Variants in IGLON5 observed in about 807,000 individuals in gnomAD.
IGLON5 encodes the protein IgLON family member 5.
In IGLON5, 16 loss-of-function variants were observed where a neutral mutation model predicts 38.2. The observed-to-expected ratio is 0.42, with a 90% CI of 0.28 to 0.64. The LOEUF is 0.64. Among genes scored for constraint, IGLON5 ranks in the 30% least tolerant of loss-of-function variants. The pLI, the probability that IGLON5 is intolerant of heterozygous loss-of-function variation, is 0.23. For synonymous variants in IGLON5, 207 were observed against 216.4 expected (o/e 0.96, Z 0.38); for missense variants, 366 against 483.4 (o/e 0.76, Z 2.28).
rs553674090 is a variant in IGLON5, at chr19:51,315,354, G to T, written c.79+3428G>T. ...TCTCCCCAGGACCTCTGAGCTCCAG[G>T]TTCATCTGGCTTGTGGGCTGTGCTT... On this transcript the variant is annotated intron_variant, in intron 1 of 7. Coordinates refer to ENST00000270642, the MANE Select transcript of IGLON5 (RefSeq NM_001101372.3). 2.8e-3 allele frequency among the ~76,000 whole-genome samples: 419 copies of T among 152,264 alleles called. 1 individual carries two copies. The highest frequency in any genetic ancestry group is 5.2e-3 in the Non-Finnish European group (354 of 68,032).
intron 2 of IGLON5, among the ~76,000 whole-genome samples, chr19:51,323,085 G>C (rs569421936): frequency 1.4e-5 from 2 of 138,164 alleles, no homozygotes; most frequent in African/African-American, 5.6e-5. Flanking sequence ...GTATCTGTGT[G>C]TGTGTGAGTC....
intron 1 of IGLON5, 84 bp from the exon 2 acceptor site, chr19:51,321,980 C>T (rs988234902): frequency 1.1e-4 from 118 of 1,097,586 alleles, no homozygotes; most frequent in Non-Finnish European, 1.4e-4. Context: ...TCCACAAGGA[C>T]GTGCGTGTGC....
In IGLON5 at chr19:51,311,923, C is replaced by T; in HGVS notation, c.76C>T (p.Arg26Ter). 1.5e-6 allele frequency: 2 copies of T among 1,345,484 alleles called. No individual in the cohort carries two copies. The highest frequency in any genetic ancestry group is 1.9e-6 in the Non-Finnish European group (2 of 1,046,370). 83.3% of individuals were successfully genotyped at this position (1,345,484 alleles called of 1,614,324 possible). Residue 26 changes from arginine (R) to a stop codon, truncating the protein, a stop_gained, in exon 1 of 8, where the codon CGA becomes TGA. Coordinates refer to ENST00000270642, the MANE Select transcript of IGLON5 (RefSeq NM_001101372.3). LOFTEE classifies it high-confidence loss of function. Reference sequence around the variant, plus strand: ...CCTGGCCGGCTTGGCCGTCATCAGCCGAGGTACCGCAGCGCCGGGGGCGGG... The same window carrying T: ...CCTGGCCGGCTTGGCCGTCATCAGCTGAGGTACCGCAGCGCCGGGGGCGGG... Reference protein sequence around the residue: ...AALAGLAVISRGLLSQSLEFN... With the variant: ...AALAGLAVIS
chr19:51,323,402 T>C (rs1331937217), intron 2 of IGLON5, among the ~76,000 whole-genome samples: 1 of 152,130 alleles, frequency 6.6e-6, no homozygotes, highest in East Asian at 1.9e-4. Context: ...GATTCTCTGT[T>C]CTCCCCTTTT....
chr19:51,317,006 C>T (rs1984942114), intron 1 of IGLON5, among the ~76,000 whole-genome samples: 1 of 151,616 alleles, frequency 6.6e-6, no homozygotes, highest in Non-Finnish European at 1.5e-5. Flanking sequence ...GAGTATCACC[C>T]TCCCGACCCC....
chr19:51,318,578 A>C (rs995531502), intron 1 of IGLON5, among the ~76,000 whole-genome samples: 5 of 151,944 alleles, frequency 3.3e-5, no homozygotes, highest in Non-Finnish European at 7.4e-5. Flanking sequence ...TCTCTTAAAA[A>C]AAAAAAAGTA....
In IGLON5 at chr19:51,327,977, G is replaced by A. The variant is rs1985260516; in HGVS notation, c.922+91G>A. ...AGACGCCGGGACCGCCCTTCAGGCT[G>A]GCCCTGAACTTAGGAGATGGACGCT... is the stretch of plus-strand genomic sequence containing the variant. On this transcript the variant is annotated intron_variant, in intron 7 of 7. Coordinates refer to ENST00000270642, the MANE Select transcript of IGLON5 (RefSeq NM_001101372.3). The surrounding 1 kb of genome is among the most constrained non-coding windows in gnomAD (Gnocchi z 7.1). The A allele has an allele frequency of 3.0e-6, 4 of 1,331,724 alleles. No individual in the cohort carries two copies. The highest frequency in any genetic ancestry group is 4.0e-6 in the Non-Finnish European group (4 of 1,010,358). The allele number at this position is 1,331,724 out of a possible 1,614,324, so 82.5% of individuals were successfully genotyped here. A position where few individuals can be genotyped will look rare whatever the true frequency, so the allele number is the denominator to read the frequency against.
rs754919683 is a variant in IGLON5, at chr19:51,311,857, C to T, written c.10C>T (p.Pro4Ser). 5.4e-5 allele frequency: 72 copies of T among 1,321,356 alleles called. 1 individual carries two copies. Among genetic ancestry groups the T allele is most frequent in the Middle Eastern group, 2.9e-4 (1 of 3,492 alleles). 81.9% of individuals were successfully genotyped at this position (1,321,356 alleles called of 1,614,324 possible). MPP[P>S]APGARLRLLA... ...CGCCGCCTCTGCCGCGATGCCCCCC[C>T]CTGCGCCCGGGGCCCGGCTCCGGCT... Residue 4 changes from proline (P) to serine (S), a missense_variant, in exon 1 of 8, where the codon CCT (proline) becomes TCT (serine). Transcript: ENST00000270642.
intron 1 of IGLON5, among the ~76,000 whole-genome samples, chr19:51,315,885 T>TG (rs1209695007): frequency 1.3e-5 from 2 of 151,700 alleles, no homozygotes; most frequent in South Asian, 2.1e-4. Flanking sequence ...TTAGTAGAGA[T>TG]GGGTTTCACT....
chr19:51,326,090 T>C (rs10410705), intron 4 of IGLON5, among the ~76,000 whole-genome samples: 5,400 of 152,182 alleles, frequency 0.035, 343 homozygotes, highest in African/African-American at 0.12. Flanking sequence ...AGCCCTTTTA[T>C]GTGGATCTCC....
rs68055759 is a variant in IGLON5, at chr19:51,325,842, CCT to C, written c.511+384_511+385del. ...ACCAGCGGTCCTGCGTACATCTCTG[CCT>C]CTCTCTTCTGCTGGACGCTCTAGCC... On this transcript the variant is annotated intron_variant, in intron 4 of 7. Transcript: ENST00000270642. This position sits in a 1 kb window ranked among gnomAD's most constrained non-coding sequence, Gnocchi z 5.5. Among the ~76,000 whole-genome samples the C allele has an allele frequency of 0.31, 47,744 of 151,678 alleles. 8,946 individuals carry two copies. The highest frequency in any genetic ancestry group is 0.52 in the African/African-American group (21,381 of 41,244).
intron 2 of IGLON5, among the ~76,000 whole-genome samples, chr19:51,322,638 CCT>C (rs1985096106): frequency 6.7e-6 from 1 of 149,426 alleles, no homozygotes; most frequent in Non-Finnish European, 1.5e-5. Flanking sequence ...CTCTGTCCCC[CCT>C]CTTTCTCTGG....
intron 1 of IGLON5, among the ~76,000 whole-genome samples, chr19:51,315,117 C>T (rs1385278760): frequency 4.0e-5 from 6 of 151,360 alleles, no homozygotes; most frequent in African/African-American, 1.5e-4. Flanking sequence ...TTTATGCCAA[C>T]ACACACGCAC....
Position 51,327,752 on chromosome 19 carries a change from A to G in IGLON5, c.788A>G (p.Glu263Gly). Residue 263 changes from glutamate to glycine, a missense_variant, in exon 7 of 8, where the codon GAA (glutamate) becomes GGA (glycine). Transcript: ENST00000270642. This position sits in a 1 kb window ranked among gnomAD's most constrained non-coding sequence, Gnocchi z 7.1. Reference sequence around the variant, plus strand: ...GGCAGGCTGAGCAGCGGCACGGCCGAAGGCCTGAAGGTGCAGACGGAGCGC... The same window carrying G: ...GGCAGGCTGAGCAGCGGCACGGCCGGAGGCCTGAAGGTGCAGACGGAGCGC... The part of the protein sequence containing the change: ...DDRLLSSGTA[E>G]GLKVQTERTR... 6.3e-7 allele frequency: 1 copy of G among 1,576,824 alleles called. No homozygotes were observed.
chr19:51,327,901 G>GGGGCGGGGCCGGGAAGGT lies in IGLON5; in HGVS notation c.922+29_922+46dup, dbSNP rs1467317726. On this transcript the variant is annotated intron_variant, in intron 7 of 7. Transcript: ENST00000270642. The surrounding 1 kb of genome is among the most constrained non-coding windows in gnomAD (Gnocchi z 7.1). The stretch of plus-strand genomic sequence containing the variant: ...GCGGCTCCTGCGTGCGTCTTCGGGC[G>GGGGCGGGGCCGGGAAGGT]GGGCGGGGCCGGGAAGGTGGGCGGG... 8 of 1,491,118 alleles carry GGGGCGGGGCCGGGAAGGT rather than the reference G, an allele frequency of 5.4e-6. No homozygotes were observed. Among genetic ancestry groups the GGGGCGGGGCCGGGAAGGT allele is most frequent in the African/African-American group, 2.8e-5 (2 of 70,410 alleles). The allele number at this position is 1,491,118 out of a possible 1,614,324, so 92.4% of individuals were successfully genotyped here. A position where few individuals can be genotyped will look rare whatever the true frequency, so the allele number is the denominator to read the frequency against.
chr19:51,322,795 C>CCCCCCTCTCTCTCTGGGTCTCTGT (rs1985102734), intron 2 of IGLON5, among the ~76,000 whole-genome samples: 1 of 144,566 alleles, frequency 6.9e-6, no homozygotes, highest in African/African-American at 2.6e-5. Flanking sequence ...TGGGTCTCTG[C>CCCCCCTCTCTCTCTGGGTCTCTGT]CCCCCTCTCT....
At chr19:51,315,790 G>A (rs548710318) in intron 1 of IGLON5, among the ~76,000 whole-genome samples, 2 of 145,690 alleles carry the variant, frequency 1.4e-5, no homozygotes, top group Admixed American at 7.1e-5. Flanking sequence ...CCGCCTCCTG[G>A]GTTCACACCA....
chr19:51,326,402 G>A (rs1985216106), intron 4 of IGLON5, among the ~76,000 whole-genome samples: 1 of 152,190 alleles, frequency 6.6e-6, no homozygotes, highest in Non-Finnish European at 1.5e-5. Flanking sequence ...CACTGGTTCT[G>A]TATTTGCTAG....
chr19:51,322,796 C>G (rs1599826104), intron 2 of IGLON5, among the ~76,000 whole-genome samples: 1 of 150,834 alleles, frequency 6.6e-6, no homozygotes, highest in Admixed American at 6.6e-5. Context: ...GGGTCTCTGC[C>G]CCCCTCTCTC....
Sources: allele counts gnomAD v4.1 joint callset (sites outside exome capture counted in the v4.1 genomes callset), GRCh38; gene constraint gnomAD v4.1.1; non-coding constraint Gnocchi (gnomAD v3.1); transcripts MANE v1.5; gene names NCBI Gene and HGNC (gene_info 2026-07-23, HGNC 2026-07-21).